Variants in DLC1 observed in about 807,000 individuals in gnomAD.
The protein encoded by DLC1 is rho GTPase-activating protein 7.
A neutral mutation model predicts 140.3 loss-of-function variants in DLC1; 54 were observed. The ratio of observed to expected loss-of-function variants is 0.38; its 90% CI spans 0.31 to 0.48. The LOEUF is 0.48. Among genes scored for constraint, DLC1 ranks in the 20% least tolerant of loss-of-function variants. DLC1 has a pLI of 0.96. For synonymous variants in DLC1, 986 were observed against 728.1 expected (o/e 1.35, Z -5.70); for missense variants, 2,536 against 1,907.0 (o/e 1.33, Z -6.14).
rs957339117 is a variant in DLC1, at chr8:13,297,178, C to T, written c.1348+8091G>A. Among the ~76,000 whole-genome samples the T allele has an allele frequency of 6.8e-5, 10 of 147,978 alleles. No homozygotes were observed. The South Asian group carries it at 8.7e-4, about 13-fold the overall frequency. On this transcript the variant is annotated intron_variant, in intron 5 of 17. Coordinates refer to ENST00000276297, the MANE Select transcript of DLC1 (RefSeq NM_182643.3). ...CCAGTCAACCACAGCCAACTTTTCA[C>T]GGATTAGTTTACATTAAGTTTTAGA...
At chr8:13,226,209 C>T (rs1006760931) in intron 5 of DLC1, among the ~76,000 whole-genome samples, 3 of 152,114 alleles carry the variant, frequency 2.0e-5, no homozygotes, top group African/African-American at 7.2e-5. Flanking sequence ...CCACTATGCC[C>T]AGCCTGATTA....
intron 4 of DLC1, among the ~76,000 whole-genome samples, chr8:13,327,253 G>A (rs1268947739): frequency 2.6e-5 from 4 of 151,268 alleles, no homozygotes; most frequent in African/African-American, 4.9e-5. Context: ...GATTACAGGC[G>A]TGAGCCACTG....
intron 1 of DLC1, among the ~76,000 whole-genome samples, chr8:13,570,143 A>T (rs1321603324): frequency 6.6e-6 from 1 of 152,188 alleles, no homozygotes; most frequent in Non-Finnish European, 1.5e-5. Flanking sequence ...AATTAAGGTC[A>T]CATAGTGGTT....
chr8:13,143,846 G>GAGAGAGAGAGAGAGAGAGAGAGAGAC (rs1476183797), intron 5 of DLC1, among the ~76,000 whole-genome samples: 23 of 148,380 alleles, frequency 1.6e-4, no homozygotes, highest in African/African-American at 3.2e-4. Flanking sequence ...GAGAGAGAGA[G>GAGAGAGAGAGAGAGAGAGAGAGAGAC]AGAGAGACAT....
intron 1 of DLC1, among the ~76,000 whole-genome samples, chr8:13,582,635 G>A (rs184744600): frequency 2.0e-5 from 3 of 151,768 alleles, no homozygotes; most frequent in African/African-American, 4.8e-5. Context: ...GCCTGCAAAC[G>A]GCCTATTGCG....
intron 2 of DLC1, among the ~76,000 whole-genome samples, chr8:13,474,422 G>A (rs1800349066): frequency 6.6e-6 from 1 of 152,226 alleles, no homozygotes; most frequent in African/African-American, 2.4e-5. Flanking sequence ...TGCTAGGGCA[G>A]TGCAGAAGGA....
intron 5 of DLC1, among the ~76,000 whole-genome samples, chr8:13,149,682 AG>A (rs1221521192): frequency 6.6e-6 from 1 of 152,224 alleles, no homozygotes; most frequent in African/African-American, 2.4e-5. Context: ...ATCTTCAGAA[AG>A]GCAAAGAGAA....
intron 2 of DLC1, among the ~76,000 whole-genome samples, chr8:13,405,907 CTTTCTTTTCT>C (rs1339544319): frequency 1.2e-5 from 1 of 86,258 alleles, no homozygotes; most frequent in Non-Finnish European, 2.4e-5. Flanking sequence ...CTTTTTCTTT[CTTTCTTTTCT>C]TTTCTTTCTT....
intron 5 of DLC1, among the ~76,000 whole-genome samples, chr8:13,216,422 G>A (rs1430165173): frequency 6.6e-6 from 1 of 152,032 alleles, no homozygotes; most frequent in African/African-American, 2.4e-5. Flanking sequence ...TCTAGTCACT[G>A]CTTCCTTTCA....
At chr8:13,543,104 C>T (rs1260305215) in intron 1 of DLC1, among the ~76,000 whole-genome samples, 1 of 152,062 alleles carries the variant, frequency 6.6e-6, no homozygotes, top group Admixed American at 6.6e-5. Context: ...GTCAATTTTG[C>T]TTGTTCCAGT....
rs140356261 is a variant in DLC1 at position 13,552,226 on chromosome 8, G to GAT, written c.-125-52032_-125-52031dup. Among the ~76,000 whole-genome samples, 1,068 of 135,806 alleles carry GAT rather than the reference G, an allele frequency of 7.9e-3. 13 individuals carry two copies. The highest frequency in any genetic ancestry group is 0.027 in the South Asian group (116 of 4,300). The allele number at this position is 135,806 out of a possible 152,430, so 89.1% of individuals were successfully genotyped here. A position where few individuals can be genotyped will look rare whatever the true frequency, so the allele number is the denominator to read the frequency against. Reference sequence around the variant, plus strand: ...GTGTATATATATACCTGTCTAGACAGATATATATATATATACCCCCATACC... The same window carrying GAT: ...GTGTATATATATACCTGTCTAGACAGATATATATATATATATACCCCCATACC... On this transcript the variant is annotated intron_variant, in intron 1 of 1. Coordinates refer to the DLC1 transcript ENST00000631382.
intron 1 of DLC1, among the ~76,000 whole-genome samples, chr8:13,574,668 A>G (rs1004379790): frequency 6.6e-6 from 1 of 152,192 alleles, no homozygotes; most frequent in Non-Finnish European, 1.5e-5. Flanking sequence ...TTTATCATCA[A>G]ATAGACTAAA....
In DLC1 at chr8:13,088,656, G is replaced by T; in HGVS notation, c.4123C>A (p.Pro1375Thr). Residue 1375 changes from proline to threonine, a missense_variant, in exon 16 of 18, where the codon CCT (proline) becomes ACT (threonine). Transcript: ENST00000276297. ...TTTAAGATTTCCTCTGGCACAGCAG[G>T]GACTTCAATGACTGACCTCCAAAGC... is the stretch of plus-strand genomic sequence containing the variant. ...LRLWRSVIEV[P>T]AVPEEILKRL... 6.2e-7 allele frequency: 1 copy of T among 1,614,078 alleles called. No individual in the cohort carries two copies.
intron 5 of DLC1, among the ~76,000 whole-genome samples, chr8:13,211,462 T>C (rs970475861): frequency 3.3e-5 from 5 of 152,280 alleles, no homozygotes; most frequent in African/African-American, 1.2e-4. Flanking sequence ...AGCTCACACT[T>C]GCATTCTCTC....
At chr8:13,561,897 G>A (rs139846060) in intron 1 of DLC1, among the ~76,000 whole-genome samples, 7 of 152,044 alleles carry the variant, frequency 4.6e-5, no homozygotes, top group Non-Finnish European at 2.9e-5. Context: ...CAAAGACAAA[G>A]CAATTACTGA....
chr8:13,387,365 A>G (rs1349395015), intron 4 of DLC1, among the ~76,000 whole-genome samples: 4 of 152,058 alleles, frequency 2.6e-5, no homozygotes, highest in Non-Finnish European at 4.4e-5. Flanking sequence ...TTCATCTGAT[A>G]ACCATTTAAG....
At chr8:13,319,329 C>T (rs979322221) in intron 4 of DLC1, among the ~76,000 whole-genome samples, 12 of 152,194 alleles carry the variant, frequency 7.9e-5, no homozygotes, top group Admixed American at 3.9e-4. Context: ...TGGCAAAGAA[C>T]GCTTGCAAAC....
intron 4 of DLC1, among the ~76,000 whole-genome samples, chr8:13,326,371 G>A (rs770201870): frequency 6.6e-6 from 1 of 152,110 alleles, no homozygotes; most frequent in Non-Finnish European, 1.5e-5. Context: ...TTGGGGACAT[G>A]TTATAGTAGA....
intron 4 of DLC1, among the ~76,000 whole-genome samples, chr8:13,384,155 G>A (rs289510): frequency 0.86 from 131,536 of 152,242 alleles, 57,004 homozygotes; most frequent in East Asian, 0.98. Flanking sequence ...GATATAGCAG[G>A]CAAGAGATTA....
Sources: allele counts gnomAD v4.1 joint callset (sites outside exome capture counted in the v4.1 genomes callset), GRCh38; gene constraint gnomAD v4.1.1; transcripts MANE v1.5; gene names NCBI Gene and HGNC (gene_info 2026-07-23, HGNC 2026-07-21).